LAMA2: variants seen among roughly 807,000 people sequenced by gnomAD.
LAMA2 encodes the protein laminin subunit alpha 2.
LAMA2 carries 269 observed loss-of-function variants against 364.8 expected under a neutral mutation model. The ratio of observed to expected loss-of-function variants is 0.74; its 90% confidence interval spans 0.67 to 0.82. LAMA2 has a LOEUF of 0.82. LAMA2 is among the 40% of genes least tolerant of loss of function. The pLI is 0.00. For synonymous variants in LAMA2, 1,379 were observed against 1,370.6 expected (o/e 1.01, Z -0.14); for missense variants, 3,807 against 3,873.2 (o/e 0.98, Z 0.45).
chr6:129,073,820 C>T (rs1422706777), intron 3 of LAMA2, among the ~76,000 whole-genome samples: 1 of 152,084 alleles, frequency 6.6e-6, no homozygotes, highest in Admixed American at 6.6e-5. Flanking sequence ...ATAACTCTGA[C>T]GTTGGAAACA....
At chr6:128,975,513 G>A (rs1364406107) in intron 1 of LAMA2, among the ~76,000 whole-genome samples, 5 of 152,134 alleles carry the variant, frequency 3.3e-5, no homozygotes, top group African/African-American at 1.2e-4. Flanking sequence ...AAATGATGGA[G>A]GACAAAGAGG....
In LAMA2 at chr6:129,408,745, T is replaced by C. The variant is rs561881027; in HGVS notation, c.5865+4786T>C. Among the ~76,000 whole-genome samples, 67 of 152,198 alleles carry C rather than the reference T, an allele frequency of 4.4e-4. 3 individuals carry two copies. In the South Asian group the frequency reaches 0.012, roughly 28 times the overall value. On this transcript the variant is annotated intron_variant, in intron 40 of 64. Transcript: ENST00000421865. ...CGGTGGCTATAGTCAGGTCAGTCCA[T>C]GTTGCTGAGCCTATGCATAACCTCC...
At position 129,210,589 on chromosome 6, in the gene LAMA2, AAG is replaced by A. The variant is rs565034995; in HGVS notation, c.1782+17739_1782+17740del. On this transcript the variant is annotated intron_variant, in intron 12 of 64. Transcript: ENST00000421865. ...GATTGAAGATAGCTTCAGATTCTAG[AAG>A]AGTTTCTAGCTCTTTCTGAATATGT... Among the ~76,000 whole-genome samples, 142 of 152,306 alleles carry A rather than the reference AAG, an allele frequency of 9.3e-4. 2 individuals carry two copies. Among genetic ancestry groups the A allele is most frequent in the African/African-American group, 3.3e-3 (137 of 41,562 alleles).
At chr6:129,162,730 C>T (rs1779511727) in intron 8 of LAMA2, among the ~76,000 whole-genome samples, 1 of 151,870 alleles carries the variant, frequency 6.6e-6, no homozygotes, top group African/African-American at 2.4e-5. Flanking sequence ...TTTTTTATAT[C>T]TGCCTTTTGA....
In LAMA2 at chr6:129,231,341, A is replaced by G. The variant is rs1784657030; in HGVS notation, c.1783-18771A>G. On this transcript the variant is annotated intron_variant, in intron 12 of 64. Transcript: ENST00000421865. The stretch of plus-strand genomic sequence containing the variant: ...TGCCTTATTTCTTAGACAAATAGTA[A>G]CTGAAATGTATGGAGCATTCATGCA... Among the ~76,000 whole-genome samples, 2 of 152,106 alleles carry G rather than the reference A, an allele frequency of 1.3e-5. 1 individual carries two copies. The highest frequency in any genetic ancestry group is 2.9e-5 in the Non-Finnish European group (2 of 67,954).
intron 1 of LAMA2, among the ~76,000 whole-genome samples, chr6:128,902,186 C>G (rs1293053717): frequency 6.6e-6 from 1 of 152,174 alleles, no homozygotes; most frequent in Non-Finnish European, 1.5e-5. Context: ...GGAGGTCCCT[C>G]CCCCAACACA....
chr6:129,388,895 C>T (rs925882170), intron 35 of LAMA2, among the ~76,000 whole-genome samples: 50 of 152,206 alleles, frequency 3.3e-4, no homozygotes, highest in African/African-American at 1.1e-3. Flanking sequence ...TAGGTAGAGC[C>T]AAATCTGCTA....
chr6:129,478,649 A>T (rs750073529), intron 53 of LAMA2, 44 bp from the exon 54 acceptor site: 2 of 1,606,778 alleles, frequency 1.2e-6, no homozygotes, highest in South Asian at 2.2e-5. Context: ...CACTACCATC[A>T]CCCTAATGAT....
chr6:128,925,472 A>G (rs1260105596), intron 1 of LAMA2, among the ~76,000 whole-genome samples: 7 of 152,194 alleles, frequency 4.6e-5, no homozygotes, highest in Admixed American at 3.3e-4. Context: ...AGAGACAGAA[A>G]GTATAATGGT....
At chr6:128,883,835 C>CACAT (rs944518770) in intron 1 of LAMA2, among the ~76,000 whole-genome samples, 22 of 117,762 alleles carry the variant, frequency 1.9e-4, no homozygotes, top group South Asian at 5.7e-4. Flanking sequence ...CACACACACA[C>CACAT]ATATATATAT....
At chr6:128,993,682 A>G (rs963391193) in intron 1 of LAMA2, among the ~76,000 whole-genome samples, 6 of 152,178 alleles carry the variant, frequency 3.9e-5, no homozygotes, top group Non-Finnish European at 8.8e-5. Flanking sequence ...AAACTTTACA[A>G]TATATGCTTG....
At chr6:129,050,620 A>G (rs1787934075) in intron 2 of LAMA2, among the ~76,000 whole-genome samples, 1 of 152,194 alleles carries the variant, frequency 6.6e-6, no homozygotes, top group South Asian at 2.1e-4. Context: ...AAACAAGGGT[A>G]TGAGATAAAC....
intron 55 of LAMA2, among the ~76,000 whole-genome samples, chr6:129,483,897 G>A (rs1261088928): frequency 6.6e-6 from 1 of 152,088 alleles, no homozygotes; most frequent in Non-Finnish European, 1.5e-5. Flanking sequence ...TGATTTCAGG[G>A]CAATTGGTTA....
chr6:129,163,884 A>G (rs1380552664), intron 8 of LAMA2, among the ~76,000 whole-genome samples: 3 of 152,082 alleles, frequency 2.0e-5, no homozygotes, highest in African/African-American at 7.2e-5. Flanking sequence ...TACAGCTTCC[A>G]TTTCTCTGAA....
chr6:128,900,063 A>G (rs760137770), intron 1 of LAMA2, among the ~76,000 whole-genome samples: 5 of 152,184 alleles, frequency 3.3e-5, no homozygotes, highest in Non-Finnish European at 5.9e-5. Flanking sequence ...GATATGTTTT[A>G]AAAACCACTC....
chr6:129,213,095 T>C (rs1195793063), intron 12 of LAMA2, among the ~76,000 whole-genome samples: 1 of 152,226 alleles, frequency 6.6e-6, no homozygotes, highest in African/African-American at 2.4e-5. Flanking sequence ...ATTTTGCTTT[T>C]TCCAAGATGT....
At chr6:128,921,154 A>G (rs968819850) in intron 1 of LAMA2, among the ~76,000 whole-genome samples, 10 of 152,206 alleles carry the variant, frequency 6.6e-5, no homozygotes, top group African/African-American at 1.2e-4. Context: ...TTTAAATTTG[A>G]GTAAGTATTG....
At chr6:129,458,288 C>T (rs548124562) in intron 48 of LAMA2, among the ~76,000 whole-genome samples, 1 of 152,114 alleles carries the variant, frequency 6.6e-6, no homozygotes, top group South Asian at 2.1e-4. Context: ...GTGGTAGTCA[C>T]ACCTTAAATT....
intron 12 of LAMA2, among the ~76,000 whole-genome samples, chr6:129,242,516 A>C (rs919587405): frequency 3.3e-5 from 5 of 152,098 alleles, no homozygotes; most frequent in Non-Finnish European, 5.9e-5. Flanking sequence ...ACCTTGAAAA[A>C]ATTTTGAACC....
Sources: gnomAD v4.1 joint callset for allele counts (sites outside exome capture counted in the v4.1 genomes callset) on GRCh38, gnomAD v4.1.1 for gene constraint, MANE v1.5 for transcripts, NCBI Gene and HGNC (gene_info 2026-07-23, HGNC 2026-07-21) for gene names.